The following NYAP2 variants were observed in gnomAD, a reference collection of about 807,000 sequenced individuals.
NYAP2 encodes neuronal tyrosine-phosphorylated phosphoinositide-3-kinase adapter 2.
A neutral mutation model predicts 50.4 loss-of-function variants in NYAP2; 23 were observed. The ratio of observed to expected loss-of-function variants is 0.46; its 90% confidence interval spans 0.33 to 0.65. NYAP2 has a LOEUF of 0.65. NYAP2 is among the 30% of genes least tolerant of loss of function. The pLI, the probability that NYAP2 is intolerant of heterozygous loss-of-function variation, is 0.02. For synonymous variants in NYAP2, 394 were observed against 365.2 expected (o/e 1.08, Z -0.90); for missense variants, 885 against 861.0 (o/e 1.03, Z -0.35).
chr2:225,537,718 C>A (rs1284132117), intron 4 of NYAP2, among the ~76,000 whole-genome samples: 8 of 152,124 alleles, frequency 5.3e-5, no homozygotes, highest in Non-Finnish European at 5.9e-5. Context: ...ATTTCAAAAC[C>A]AATCATGCCT....
intron 3 of NYAP2, among the ~76,000 whole-genome samples, chr2:225,411,605 A>C (rs1019386532): frequency 6.6e-6 from 1 of 151,610 alleles, no homozygotes; most frequent in Non-Finnish European, 1.5e-5. Flanking sequence ...TTAAATAGAG[A>C]TGATAAAAAA....
intron 5 of NYAP2, among the ~76,000 whole-genome samples, chr2:225,608,824 G>C (rs1692832364): frequency 2.0e-5 from 3 of 152,068 alleles, no homozygotes; most frequent in African/African-American, 7.2e-5. Context: ...GAATAAATGT[G>C]ACTAGGGAAG....
At chr2:225,679,336 A>G in the NYAP2 span, among the ~76,000 whole-genome samples, 1 of 152,130 alleles carries the variant, frequency 6.6e-6, no homozygotes, top group Non-Finnish European at 1.5e-5. Flanking sequence ...GCATCTTGGT[A>G]TTTGCAACAA....
exon 7 of NYAP2, chr2:225,653,275 T>C (rs1384469662): frequency 6.6e-6 from 1 of 152,180 alleles, no homozygotes; most frequent in Non-Finnish European, 1.5e-5. Flanking sequence ...ATCTCAGAGA[T>C]GTTTTGTATT....
At chr2:225,535,687 G>A (rs1243856137) in intron 4 of NYAP2, among the ~76,000 whole-genome samples, 3 of 152,172 alleles carry the variant, frequency 2.0e-5, no homozygotes, top group African/African-American at 7.2e-5. Context: ...GAGTATAGAC[G>A]TACAGGGGTC....
At chr2:225,640,323 C>T (rs1693505150) in intron 6 of NYAP2, among the ~76,000 whole-genome samples, 1 of 152,126 alleles carries the variant, frequency 6.6e-6, no homozygotes, top group Non-Finnish European at 1.5e-5. Context: ...CCTGAGCAGC[C>T]ATGTTACACA....
At chr2:225,657,292 A>C (rs996139819), downstream of NYAP2, among the ~76,000 whole-genome samples, 5 of 151,936 alleles carry the variant, frequency 3.3e-5, no homozygotes, top group South Asian at 1.0e-3. Context: ...TTGTATTTTT[A>C]GTAGAGACGG....
At chr2:225,432,297 G>A (rs6436554) in intron 3 of NYAP2, among the ~76,000 whole-genome samples, 126,588 of 151,184 alleles carry the variant, frequency 0.84, 53,536 homozygotes, top group African/African-American at 0.94. Context: ...TACCCGGCCA[G>A]CAATGATAGG....
chr2:225,625,946 T>C (rs1693203414), intron 5 of NYAP2, among the ~76,000 whole-genome samples: 1 of 152,056 alleles, frequency 6.6e-6, no homozygotes. Flanking sequence ...CCAGAGCCAT[T>C]GAGGTAGACA....
At chr2:225,558,997 T>C (rs368178083) in intron 4 of NYAP2, among the ~76,000 whole-genome samples, 1 of 152,014 alleles carries the variant, frequency 6.6e-6, no homozygotes, top group East Asian at 1.9e-4. Context: ...AGTCACTCCT[T>C]GAGGATATTT....
At chr2:225,701,391 G>A in the NYAP2 span, 3 of 151,706 alleles carry the variant, frequency 2.0e-5, no homozygotes, top group African/African-American at 4.8e-5. Flanking sequence ...TCATACTTAT[G>A]AAAAATGGTC....
the NYAP2 span, among the ~76,000 whole-genome samples, chr2:225,696,755 A>G: frequency 6.6e-6 from 1 of 151,948 alleles, no homozygotes; most frequent in Non-Finnish European, 1.5e-5. Context: ...AGTTGTTAAA[A>G]GCATGGGTGT....
chr2:225,665,334 T>A, the NYAP2 span, among the ~76,000 whole-genome samples: 1 of 152,016 alleles, frequency 6.6e-6, no homozygotes, highest in South Asian at 2.1e-4. Flanking sequence ...TAAATTCAAA[T>A]ACAAAGGCAA....
intron 3 of NYAP2, among the ~76,000 whole-genome samples, chr2:225,467,271 ATCT>A (rs1203200587): frequency 6.6e-6 from 1 of 152,114 alleles, no homozygotes; most frequent in Non-Finnish European, 1.5e-5. Flanking sequence ...GAGCCCTGAG[ATCT>A]TCTTATCCGG....
chr2:225,578,726 T>C (rs6436569), intron 4 of NYAP2, among the ~76,000 whole-genome samples: 145,105 of 152,246 alleles, frequency 0.95, 69,249 homozygotes, highest in Middle Eastern at 0.99. Flanking sequence ...GTTGTTTAAT[T>C]GTAAAATAAC....
chr2:225,398,695 CCTCTT>C (rs1177859900), upstream of NYAP2, among the ~76,000 whole-genome samples: 5 of 151,738 alleles, frequency 3.3e-5, no homozygotes, highest in Non-Finnish European at 7.4e-5. Flanking sequence ...AGAGGTCTGG[CCTCTT>C]CTCTTCCCCG....
chr2:225,623,488 C>CTT (rs537643003), intron 5 of NYAP2, among the ~76,000 whole-genome samples: 5 of 148,706 alleles, frequency 3.4e-5, no homozygotes, highest in African/African-American at 1.2e-4. Flanking sequence ...CAGGATATTT[C>CTT]TTTTTTTTTT....
intron 3 of NYAP2, among the ~76,000 whole-genome samples, chr2:225,483,856 A>G (rs1331514041): frequency 6.6e-6 from 1 of 152,230 alleles, no homozygotes; most frequent in Non-Finnish European, 1.5e-5. Flanking sequence ...AATTATTTCA[A>G]ATACTATCTG....
chr2:225,477,426 T>C (rs112342903), intron 3 of NYAP2, among the ~76,000 whole-genome samples: 1,831 of 151,602 alleles, frequency 0.012, 39 homozygotes, highest in African/African-American at 0.043. Context: ...TTAGTAGAGA[T>C]GGGGTTTCAC....
Sources: gnomAD v4.1 joint callset for allele counts (sites outside exome capture counted in the v4.1 genomes callset) on GRCh38, gnomAD v4.1.1 for gene constraint, MANE v1.5 for transcripts, NCBI Gene and HGNC (gene_info 2026-07-23, HGNC 2026-07-21) for gene names.